Variants in GEMIN4 observed in about 807,000 individuals in gnomAD.
The protein encoded by GEMIN4 is gem-associated protein 4.
A neutral mutation model predicts 76.8 loss-of-function variants in GEMIN4; 59 were observed. The ratio of observed to expected loss-of-function variants is 0.77; its 90% CI spans 0.62 to 0.95. GEMIN4 has a LOEUF of 0.95. Ranked by LOEUF, GEMIN4 falls within the 40% of genes least tolerant of loss-of-function variation. GEMIN4 has a pLI of 0.00. For synonymous variants in GEMIN4, 562 were observed against 559.7 expected (o/e 1.00, Z -0.06); for missense variants, 1,311 against 1,318.9 (o/e 0.99, Z 0.09).
chr17:752,347 G>T (rs1904779450), upstream of GEMIN4: 2 of 1,173,080 alleles, frequency 1.7e-6, no homozygotes, highest in Admixed American at 4.3e-5. Context: ...GCACAGCGCC[G>T]CCTTCCGGCA....
At position 747,082 on chromosome 17, in the gene GEMIN4, G is replaced by A. The variant is rs757920533; in HGVS notation, c.961C>T (p.His321Tyr). 2.5e-6 allele frequency: 4 copies of A among 1,613,548 alleles called. No individual in the cohort carries two copies. The highest frequency in any genetic ancestry group is 1.1e-5 in the South Asian group (1 of 91,090). Residue 321 changes from histidine to tyrosine, a missense_variant, in exon 2 of 2, where the codon CAC (histidine) becomes TAC (tyrosine). His to Tyr is a moderately conservative substitution (Grantham distance 83). This residue lies in a region of GEMIN4 where 1,208 missense variants were observed against 1,166.9 expected (regional missense o/e 1.04). Coordinates refer to ENST00000319004, the MANE Select transcript of GEMIN4 (RefSeq NM_015721.3). ...ETIFVGCEFL[H>Y]HLLREWGEEL... ...TCCCCCCACTCCCGCAGCAGGTGGT[G>A]CAGGAACTCGCAGCCCACGAAAATG...
At chr17:750,650 T>G (rs146403067) in intron 1 of GEMIN4, among the ~76,000 whole-genome samples, 24 of 152,264 alleles carry the variant, frequency 1.6e-4, no homozygotes, top group Non-Finnish European at 2.8e-4. Flanking sequence ...TGCTACTCCT[T>G]CCTCAGTCTG....
Position 744,669 on chromosome 17 carries a change from C to G in GEMIN4, c.*197G>C, listed in dbSNP as rs1006294160. 2 of 559,008 alleles carry G rather than the reference C, an allele frequency of 3.6e-6. No homozygotes were observed. 34.6% of individuals were successfully genotyped at this position (559,008 alleles called of 1,614,324 possible). ...TGATAGTTTGTACGTTACAAATACCCAAGAAACTATTTTCTTTACACCATT... is the reference window on the plus strand; with the variant it reads ...TGATAGTTTGTACGTTACAAATACCGAAGAAACTATTTTCTTTACACCATT... On this transcript the variant is annotated 3_prime_UTR_variant, in exon 2 of 2. Transcript: ENST00000319004.
upstream of GEMIN4, chr17:752,353 C>T (rs1004539550): frequency 2.7e-6 from 3 of 1,127,842 alleles, no homozygotes; most frequent in South Asian, 4.6e-5. Context: ...CGCCGCCTTC[C>T]GGCAGAGCCC....
intron 1 of GEMIN4, among the ~76,000 whole-genome samples, chr17:750,345 C>A (rs993999442): frequency 6.6e-6 from 1 of 152,176 alleles, no homozygotes; most frequent in Non-Finnish European, 1.5e-5. Context: ...GCACTGCTAT[C>A]TCCTGACCCC....
Position 746,077 on chromosome 17 carries a change from C to T in GEMIN4, c.1966G>A (p.Val656Ile). The change falls in exon 2 of 2, where the codon GTC becomes ATC. Residue 656 changes from valine (V) to isoleucine (I), a missense_variant. Physicochemically the swap from Val to Ile is conservative, Grantham distance 29. Transcript: ENST00000319004. The surrounding 1 kb of genome is among the most constrained non-coding windows in gnomAD (Gnocchi z 4.3). Reference sequence around the variant, plus strand: ...ACATCTAACCTCAAGAAAGGCAGGACAAATTCCTTCAGCACCTCGTCTGGC... The same window carrying T: ...ACATCTAACCTCAAGAAAGGCAGGATAAATTCCTTCAGCACCTCGTCTGGC... ...LEPDEVLKEF[V>I]LPFLRLDVEE... 1 of 1,613,968 alleles carries T rather than the reference C, an allele frequency of 6.2e-7. No homozygotes were observed. The highest frequency in any genetic ancestry group is 8.5e-7 in the Non-Finnish European group (1 of 1,179,898).
upstream of GEMIN4, among the ~76,000 whole-genome samples, chr17:752,424 C>G (rs1904788749): frequency 2.0e-5 from 3 of 152,236 alleles, no homozygotes; most frequent in South Asian, 6.2e-4. Context: ...CGTCCCCTGC[C>G]CGGCCCCTCT....
intron 1 of GEMIN4, chr17:748,245 C>G (rs1597559969): frequency 1.8e-6 from 1 of 550,276 alleles, no homozygotes; most frequent in Non-Finnish European, 3.2e-6. Flanking sequence ...AGCCTGGGAA[C>G]TGGGAGGCCA....
In GEMIN4 at chr17:747,977, G is replaced by A. The variant is rs369610624; in HGVS notation, c.66C>T (p.Ala22=). The change falls in exon 2 of 2, where the codon GCC becomes GCT. Residue 22 remains alanine, a synonymous_variant. Transcript: ENST00000319004. The stretch of plus-strand genomic sequence containing the variant: ...GTGCCTTAGGGTGGAACAGCTGCTC[G>A]GCCAGCAAGAAGCCTCCATGCAGAA... ...MTILHGGFLL[A]EQLFHPKALA... 96 of 1,612,298 alleles carry A rather than the reference G, an allele frequency of 6.0e-5. No homozygotes were observed. Among genetic ancestry groups the A allele is most frequent in the Admixed American group, 1.2e-4 (7 of 59,796 alleles).
upstream of GEMIN4, chr17:754,251 C>T (rs1187530149): frequency 6.6e-6 from 1 of 152,176 alleles, no homozygotes; most frequent in Non-Finnish European, 1.5e-5. Context: ...TGTCTGAGCC[C>T]AGCTTCTACT....
At position 745,662 on chromosome 17, in the gene GEMIN4, C is replaced by G. The variant is rs780041871; in HGVS notation, c.2381G>C (p.Cys794Ser). The G allele has an allele frequency of 1.3e-6, 2 of 1,596,826 alleles. No individual in the cohort carries two copies. Among genetic ancestry groups the G allele is most frequent in the South Asian group, 2.2e-5 (2 of 88,890 alleles). Residue 794 changes from cysteine (C) to serine (S), a missense_variant, in exon 2 of 2, where the codon TGT becomes TCT. Cys to Ser is a moderately radical substitution (Grantham distance 112). This residue lies in a region of GEMIN4 where 1,208 missense variants were observed against 1,166.9 expected (regional missense o/e 1.04). Transcript: ENST00000319004. This position sits in a 1 kb window ranked among gnomAD's most constrained non-coding sequence, Gnocchi z 4.6. ...GGTCCACTCGTCTTCTGAAAGCTTA[C>G]AGATCTCAAAAAGTGTGGCTGGCAC... ...CEVPATLFEI[C>S]KLSEDEWTSQ... is the part of the protein sequence containing the mutation.
intron 1 of GEMIN4, among the ~76,000 whole-genome samples, chr17:751,480 C>T (rs1268703845): frequency 6.6e-6 from 1 of 152,266 alleles, no homozygotes; most frequent in Non-Finnish European, 1.5e-5. Flanking sequence ...CTGGTCTTAG[C>T]AGCGTGTGCC....
intron 1 of GEMIN4, among the ~76,000 whole-genome samples, chr17:750,253 A>T (rs1410532605): frequency 6.6e-6 from 1 of 151,856 alleles, no homozygotes; most frequent in Non-Finnish European, 1.5e-5. Context: ...TTCCTTCTGC[A>T]TATGTGGGGA....
rs61753061 is a variant in GEMIN4 at position 747,557 on chromosome 17, G to A, written c.486C>T (p.Asp162=). Residue 162 remains aspartate, a synonymous_variant, in exon 2 of 2, where the codon GAC becomes GAT. Transcript: ENST00000319004. ...TSAEDVAFFL[D]VWWEVMKHKG... ...TGTGCTTCATCACCTCCCACCAGAC[G>A]TCCAGGAAGAAGGCCACGTCTTCGG... 2.7e-3 allele frequency: 4,423 copies of A among 1,613,870 alleles called. 9 individuals are homozygous for A. The highest frequency in any genetic ancestry group is 3.5e-3 in the Non-Finnish European group (4,172 of 1,179,872).
At chr17:750,366 G>A (rs1350705261) in intron 1 of GEMIN4, among the ~76,000 whole-genome samples, 1 of 152,152 alleles carries the variant, frequency 6.6e-6, no homozygotes, top group Non-Finnish European at 1.5e-5. Context: ...ATCTCCCCGG[G>A]ACGCTATGAT....
At chr17:749,464 G>A (rs1214576753) in intron 1 of GEMIN4, 2 of 170,944 alleles carry the variant, frequency 1.2e-5, no homozygotes, top group Non-Finnish European at 2.5e-5. Flanking sequence ...CAGGATAATG[G>A]GCACAGAGCA....
chr17:747,526 G>T lies in GEMIN4; in HGVS notation c.517C>A (p.His173Asn), dbSNP rs767170857. ...VWWEVMKHKGHPQDPLLSQFS... is the reference protein window; with the variant it reads ...VWWEVMKHKGNPQDPLLSQFS... ...TGGGAGAGCAGGGGGTCCTGCGGGT[G>T]ACCCTTGTGCTTCATCACCTCCCAC... The change falls in exon 2 of 2, where the codon CAC (histidine) becomes AAC (asparagine). Residue 173 changes from histidine to asparagine, a missense_variant. Around this residue, in one of 2 missense-constraint regions of GEMIN4, gnomAD observed 1,208 missense variants for 1,166.9 expected, o/e 1.04. Coordinates refer to ENST00000319004, the MANE Select transcript of GEMIN4 (RefSeq NM_015721.3). The T allele has an allele frequency of 8.1e-6, 13 of 1,613,696 alleles. No individual in the cohort carries two copies. Among genetic ancestry groups the T allele is most frequent in the Non-Finnish European group, 1.1e-5 (13 of 1,179,896 alleles).
At chr17:751,994 C>G (rs999790295) in intron 1 of GEMIN4, 139 bp downstream of exon 1, 5 of 581,888 alleles carry the variant, frequency 8.6e-6, no homozygotes, top group Non-Finnish European at 1.3e-5. Flanking sequence ...CCCGGGACCC[C>G]TAGACCCGCC....
upstream of GEMIN4, chr17:753,139 G>A (rs4024555): frequency 7.7e-6 from 1 of 130,058 alleles, no homozygotes; most frequent in Non-Finnish European, 1.7e-5. Flanking sequence ...AGGAAGTGGG[G>A]GGCGTGGAGC....
Sources: allele counts gnomAD v4.1 joint callset (sites outside exome capture counted in the v4.1 genomes callset), GRCh38; gene constraint gnomAD v4.1.1; regional missense constraint gnomAD v4.1.1; non-coding constraint Gnocchi (gnomAD v3.1); transcripts MANE v1.5; gene names NCBI Gene and HGNC (gene_info 2026-07-23, HGNC 2026-07-21).